Variants in C16orf96 observed in about 807,000 individuals in gnomAD.
C16orf96 encodes the protein uncharacterized protein C16orf96.
In C16orf96, 108 loss-of-function variants were observed where a neutral mutation model predicts 103.6. The observed-to-expected ratio is 1.04, with a 90% CI of 0.89 to 1.22. The LOEUF is 1.22. Among genes scored for constraint, C16orf96 ranks in the 50% most tolerant of loss-of-function variants. The pLI is 0.00. For missense variants in C16orf96, 1,586 were observed against 1,464.2 expected (o/e 1.08, Z -1.36); for synonymous variants, 566 against 593.5 (o/e 0.95, Z 0.67).
chr16:4,598,996 G>A (rs780804624), intron 14 of C16orf96, among the ~76,000 whole-genome samples: 1 of 151,960 alleles, frequency 6.6e-6, no homozygotes, highest in Non-Finnish European at 1.5e-5. Context: ...GGGCACACCT[G>A]TAGTCCCAGC....
At chr16:4,572,185 T>C (rs1392474455) in intron 2 of C16orf96, among the ~76,000 whole-genome samples, 2 of 152,050 alleles carry the variant, frequency 1.3e-5, no homozygotes. Flanking sequence ...TGTTAAAACG[T>C]TAGTTGTAAG....
intron 2 of C16orf96, among the ~76,000 whole-genome samples, chr16:4,573,872 C>T (rs2059469153): frequency 6.6e-6 from 1 of 152,014 alleles, no homozygotes; most frequent in African/African-American, 2.4e-5. Context: ...CTCTCTCTGT[C>T]ACCCAGGCTG....
the C16orf96 span, among the ~76,000 whole-genome samples, chr16:4,540,905 G>C: frequency 6.7e-6 from 1 of 150,364 alleles, no homozygotes; most frequent in African/African-American, 2.4e-5. Context: ...CACCATACCT[G>C]TCTGCAGTTT....
At chr16:4,547,010 T>C in the C16orf96 span, among the ~76,000 whole-genome samples, 1 of 151,052 alleles carries the variant, frequency 6.6e-6, no homozygotes, top group Non-Finnish European at 1.5e-5. Context: ...GGCAGGTCTG[T>C]AACTCCTGGG....
At position 4,580,179 on chromosome 16, in the gene C16orf96, C is replaced by T. The variant is rs959917017; in HGVS notation, c.2352+54C>T. 7 of 1,355,782 alleles carry T rather than the reference C, an allele frequency of 5.2e-6. No homozygotes were observed. The African/African-American group carries it at 1.1e-4, about 20-fold the overall frequency. The allele number at this position is 1,355,782 out of a possible 1,614,324, so 84.0% of individuals were successfully genotyped here. ...GGCTGGCAAAGGGAGAATTCCTCAC[C>T]TAGACCTTCTGGCCCTTCCCGAAGG... On this transcript the variant is annotated intron_variant, in intron 7 of 15. Transcript: ENST00000444310.
At chr16:4,565,708 C>T (rs570403957) in intron 1 of C16orf96, among the ~76,000 whole-genome samples, 17 of 152,320 alleles carry the variant, frequency 1.1e-4, no homozygotes, top group Middle Eastern at 6.8e-3. Context: ...AGGCTGATCT[C>T]GAACTCCTGA....
chr16:4,574,948 T>C, intron 3 of C16orf96, 24 bp from the exon 4 acceptor site: 3 of 1,549,468 alleles, frequency 1.9e-6, no homozygotes, highest in Non-Finnish European at 2.6e-6. Context: ...CTCACAGCCC[T>C]CATTTTCTAC....
At chr16:4,552,450 C>G (rs896994538), upstream of C16orf96, among the ~76,000 whole-genome samples, 73 of 148,670 alleles carry the variant, frequency 4.9e-4, 1 homozygote, top group Admixed American at 3.6e-3. Flanking sequence ...CCATTGCACT[C>G]CAGCCTGGGC....
Position 4,588,172 on chromosome 16 carries a change from T to C in C16orf96, c.2433T>C (p.Ala811=). The stretch of plus-strand genomic sequence containing the variant: ...TGAACTCCCTGTCTCCCTAGAAAGC[T>C]GACAGGAGTGCCCTGGCAGGCAAGG... The part of the protein sequence containing the change: ...STMEEELREK[A]DRSALAGKAS... The change falls in exon 9 of 16, where the codon GCT becomes GCC. Residue 811 remains alanine, a synonymous_variant. Transcript: ENST00000444310. 1 of 1,551,084 alleles carries C rather than the reference T, an allele frequency of 6.4e-7. No individual in the cohort carries two copies. Among genetic ancestry groups the C allele is most frequent in the East Asian group, 2.4e-5 (1 of 40,918 alleles).
At chr16:4,584,287 A>C (rs1395865282) in intron 7 of C16orf96, among the ~76,000 whole-genome samples, 1 of 74,142 alleles carries the variant, frequency 1.3e-5, no homozygotes, top group Non-Finnish European at 3.9e-5. Context: ...TCCCAGGCTC[A>C]AGTGATCCTC....
chr16:4,587,526 T>A (rs1896954997), intron 8 of C16orf96, among the ~76,000 whole-genome samples: 1 of 82,918 alleles, frequency 1.2e-5, no homozygotes, highest in Admixed American at 1.4e-4. Flanking sequence ...AAAAACTCTG[T>A]CTCAAAAAAA....
At chr16:4,594,306 G>C in intron 12 of C16orf96, 45 bp from the exon 13 acceptor site, 1 of 1,541,586 alleles carries the variant, frequency 6.5e-7, no homozygotes. Flanking sequence ...TGGGCTCTGG[G>C]GTACAGGGTC....
rs1215863379 is a variant in C16orf96, at chr16:4,574,717, A to G, written c.534A>G (p.Pro178=). 12 of 1,551,664 alleles carry G rather than the reference A, an allele frequency of 7.7e-6. No homozygotes were observed. The highest frequency in any genetic ancestry group is 8.7e-7 in the Non-Finnish European group (1 of 1,147,020). The change falls in exon 3 of 16, where the codon CCA becomes CCG. Residue 178 remains proline, a synonymous_variant. Coordinates refer to ENST00000444310, the MANE Select transcript of C16orf96 (RefSeq NM_001145011.2). ...MLKNMLDKVH[P]ERMDIFAEDF... ...CTCAGTTCCTTTGACAGGTACACCC[A>G]GAAAGAATGGACATCTTTGCTGAAG...
intron 9 of C16orf96, among the ~76,000 whole-genome samples, chr16:4,588,813 A>G (rs1030524994): frequency 4.6e-5 from 7 of 151,124 alleles, no homozygotes; most frequent in African/African-American, 1.7e-4. Context: ...ACTGAGCCTC[A>G]GAGAGGTTAT....
At chr16:4,548,664 G>C in the C16orf96 span, among the ~76,000 whole-genome samples, 2 of 152,102 alleles carry the variant, frequency 1.3e-5, no homozygotes, top group Admixed American at 6.5e-5. Context: ...CCTGAGGTCA[G>C]GAGTTTGAGA....
the C16orf96 span, among the ~76,000 whole-genome samples, chr16:4,544,567 C>G: frequency 2.0e-5 from 3 of 152,182 alleles, no homozygotes; most frequent in Admixed American, 2.0e-4. Context: ...GGTGATCACG[C>G]TGCTGCACTC....
At chr16:4,539,425 T>C in the C16orf96 span, among the ~76,000 whole-genome samples, 1 of 152,240 alleles carries the variant, frequency 6.6e-6, no homozygotes, top group African/African-American at 2.4e-5. Flanking sequence ...GGCTAACGCC[T>C]GTAATCCCAG....
At chr16:4,547,762 C>CCTCT in the C16orf96 span, among the ~76,000 whole-genome samples, 4 of 141,904 alleles carry the variant, frequency 2.8e-5, no homozygotes, top group East Asian at 8.1e-4. Context: ...TTCCTCCCTC[C>CCTCT]CTCTCTCTCT....
upstream of C16orf96, among the ~76,000 whole-genome samples, chr16:4,554,500 G>A (rs556565292): frequency 6.0e-5 from 9 of 150,420 alleles, 1 homozygote; most frequent in Admixed American, 4.0e-4. Context: ...ACAGGCACCC[G>A]CCACCATGCC....
Sources: allele counts gnomAD v4.1 joint callset (sites outside exome capture counted in the v4.1 genomes callset), GRCh38; gene constraint gnomAD v4.1.1; transcripts MANE v1.5; gene names NCBI Gene and HGNC (gene_info 2026-07-23, HGNC 2026-07-21).